Variants in VWA5B1 observed in about 807,000 individuals in gnomAD.
VWA5B1 encodes the protein von Willebrand factor A domain-containing protein 5B1.
Under a neutral mutation model 118.2 loss-of-function variants are expected in VWA5B1, and 115 were observed. That is an observed-to-expected ratio of 0.97 (90% CI 0.84 to 1.14). The LOEUF is 1.14. Among genes scored for constraint, VWA5B1 ranks in the 50% most tolerant of loss-of-function variants. The pLI is 0.00. For missense variants in VWA5B1, 1,596 were observed against 1,603.8 expected, an observed-to-expected ratio of 1.00 and a Z score of 0.08; for synonymous variants, 682 against 658.4, an observed-to-expected ratio of 1.04 and a Z score of -0.55.
Position 20,323,388 on chromosome 1 carries a change from C to A in VWA5B1, c.999C>A (p.Asp333Glu). Residue 333 changes from aspartate (D) to glutamate (E), a missense_variant, in exon 8 of 22, where the codon GAC becomes GAA. Asp to Glu is a conservative substitution (Grantham distance 45). Transcript: ENST00000289815. ...TCATTCGAAAACGCCTCCACAAAGA[C>A]ATTCCCCACCACTCCGTCATCATGC... is the stretch of plus-strand genomic sequence containing the variant. ...TEIIRKRLHK[D>E]IPHHSVIMLN... 6.6e-7 allele frequency: 1 copy of A among 1,514,424 alleles called. No homozygotes were observed. Among genetic ancestry groups the A allele is most frequent in the Non-Finnish European group, 8.8e-7 (1 of 1,131,076 alleles). The allele number at this position is 1,514,424 out of a possible 1,614,324, so 93.8% of individuals were successfully genotyped here.
rs746822356 is a variant in VWA5B1, at chr1:20,327,947, G to A, written c.1201G>A (p.Gly401Arg). The A allele has an allele frequency of 6.4e-7, 1 of 1,551,580 alleles. No individual in the cohort carries two copies. The highest frequency in any genetic ancestry group is 1.2e-5 in the South Asian group (1 of 84,048). The change falls in exon 9 of 22, where the codon GGG becomes AGG. Residue 401 changes from glycine to arginine, a missense_variant. Gly to Arg is a moderately radical substitution (Grantham distance 125). Coordinates refer to ENST00000289815, the MANE Select transcript of VWA5B1 (RefSeq NM_001039500.3). ...GCCAGCCTGCCTCTTCAATATCATT[G>A]GGTTTGGATCCACATTTAAGAGCCT... Reference protein sequence around the residue: ...LMPACLFNIIGFGSTFKSLFP... With the variant: ...LMPACLFNIIRFGSTFKSLFP...
chr1:20,318,528 C>A, intron 5 of VWA5B1, 62 bp from the exon 6 acceptor site: 2 of 1,544,820 alleles, frequency 1.3e-6, no homozygotes, highest in Non-Finnish European at 8.7e-7. Context: ...TGTGCCCCAG[C>A]GAACTCCTCT....
chr1:20,342,734 T>A, intron 15 of VWA5B1, 125 bp downstream of exon 15: 1 of 1,236,376 alleles, frequency 8.1e-7, no homozygotes, highest in Non-Finnish European at 1.1e-6. Context: ...CTGCTGCGGC[T>A]CACCCCTCTC....
At chr1:20,301,585 T>C (rs1291477401) in intron 1 of VWA5B1, among the ~76,000 whole-genome samples, 1 of 152,156 alleles carries the variant, frequency 6.6e-6, no homozygotes, top group Admixed American at 6.5e-5. Flanking sequence ...CCCACTGCAA[T>C]GGAGTAGCTC....
chr1:20,310,494 G>C, intron 1 of VWA5B1, 82 bp from the exon 2 acceptor site: 4 of 1,310,410 alleles, frequency 3.1e-6, no homozygotes, highest in Non-Finnish European at 4.0e-6. Context: ...CTGATTGCTT[G>C]AGGGTGTCTG....
rs1456435640 is a variant in VWA5B1 at position 20,291,572 on chromosome 1, T to G, written c.-27+484T>G. Among the ~76,000 whole-genome samples the G allele has an allele frequency of 3.3e-5, 5 of 152,070 alleles. No homozygotes were observed. The South Asian group carries it at 6.2e-4, about 19-fold the overall frequency. On this transcript the variant is annotated intron_variant, in intron 1 of 21. Coordinates refer to ENST00000289815, the MANE Select transcript of VWA5B1 (RefSeq NM_001039500.3). Reference sequence around the variant, plus strand: ...CTCTCAACCTTCCGTCCCTGCCACCTGTTTCCACCACTTCCTGGTCAGTCC... The same window carrying G: ...CTCTCAACCTTCCGTCCCTGCCACCGGTTTCCACCACTTCCTGGTCAGTCC...
intron 11 of VWA5B1, among the ~76,000 whole-genome samples, 177 bp downstream of exon 11, chr1:20,331,160 G>A (rs2089542676): frequency 6.6e-6 from 1 of 152,202 alleles, no homozygotes; most frequent in South Asian, 2.1e-4. Flanking sequence ...GGCAACTCTT[G>A]AAGCAATGCC....
At position 20,358,349 on chromosome 1, in the gene VWA5B1, C is replaced by G. The variant is rs1570255756; in HGVS notation, c.*4086C>G. On this transcript the variant is annotated 3_prime_UTR_variant, in exon 22 of 22. Coordinates refer to ENST00000289815, the MANE Select transcript of VWA5B1 (RefSeq NM_001039500.3). ...CAAAAAAGGTTTCTGGAAGTTTCCT[C>G]TAGATCCTGACTTGCCCTCTGTTAA... is the stretch of plus-strand genomic sequence containing the variant. 6.6e-6 allele frequency among the ~76,000 whole-genome samples: 1 copy of G among 152,234 alleles called. No homozygotes were observed. Among genetic ancestry groups the G allele is most frequent in the East Asian group, 1.9e-4 (1 of 5,194 alleles).
At position 20,353,930 on chromosome 1, in the gene VWA5B1, C is replaced by G; in HGVS notation, c.3315C>G (p.Ser1105=). 1 of 1,550,234 alleles carries G rather than the reference C, an allele frequency of 6.5e-7. No individual in the cohort carries two copies. The highest frequency in any genetic ancestry group is 1.2e-5 in the South Asian group (1 of 83,840). The change falls in exon 22 of 22, where the codon TCC becomes TCG. Residue 1105 remains serine, a synonymous_variant. Coordinates refer to ENST00000289815, the MANE Select transcript of VWA5B1 (RefSeq NM_001039500.3). ...KTPSPQLCTS[S]PPRHPSCDSF... is the part of the protein sequence containing the mutation. ...CGAGTCCCCAGCTGTGCACCAGCTC[C>G]CCGCCTAGGCACCCGTCCTGTGACA...
At chr1:20,307,665 G>A (rs907287230) in intron 1 of VWA5B1, among the ~76,000 whole-genome samples, 1 of 151,904 alleles carries the variant, frequency 6.6e-6, no homozygotes. Flanking sequence ...ATGTGGGCTG[G>A]GTCTCATCTT....
At chr1:20,331,394 C>G (rs1883165) in intron 11 of VWA5B1, among the ~76,000 whole-genome samples, 2 of 152,096 alleles carry the variant, frequency 1.3e-5, no homozygotes, top group Non-Finnish European at 2.9e-5. Context: ...ACATTTGACA[C>G]GAATAATCTA....
chr1:20,328,575 A>C (rs548931500), intron 9 of VWA5B1, among the ~76,000 whole-genome samples: 2 of 152,312 alleles, frequency 1.3e-5, no homozygotes, highest in South Asian at 4.2e-4. Context: ...AAGGACAAGC[A>C]AATGGGACAC....
At chr1:20,323,564 CG>C in intron 8 of VWA5B1, 32 bp downstream of exon 8, 1 of 1,357,422 alleles carries the variant, frequency 7.4e-7, no homozygotes. Context: ...CCCGAGGACC[CG>C]GGGCTCCAGG....
At position 20,317,603 on chromosome 1, in the gene VWA5B1, A is replaced by C. The variant is rs770049608; in HGVS notation, c.637A>C (p.Thr213Pro). Reference sequence around the variant, plus strand: ...GTTGTGCCTGGCGACTCTCCTGAACACCGAAGTGTCCAACCCCATGGAGTA... The same window carrying C: ...GTTGTGCCTGGCGACTCTCCTGAACCCCGAAGTGTCCAACCCCATGGAGTA... ...NKLCLATLLN[T>P]EVSNPMEYEF... The change falls in exon 5 of 22, where the codon ACC (threonine) becomes CCC (proline). Residue 213 changes from threonine (T) to proline (P), a missense_variant. By Grantham distance (38) the Thr-to-Pro change is conservative. Coordinates refer to ENST00000289815, the MANE Select transcript of VWA5B1 (RefSeq NM_001039500.3). 2.3e-4 allele frequency: 356 copies of C among 1,551,642 alleles called. No individual in the cohort carries two copies. The highest frequency in any genetic ancestry group is 3.0e-4 in the Non-Finnish European group (343 of 1,147,020).
intron 7 of VWA5B1, among the ~76,000 whole-genome samples, chr1:20,321,977 T>C (rs1330715452): frequency 6.6e-6 from 1 of 152,120 alleles, no homozygotes; most frequent in Non-Finnish European, 1.5e-5. Flanking sequence ...CTCTGGCTGC[T>C]CTCTGCAGAA....
rs537267689 is a variant in VWA5B1 at position 20,343,371 on chromosome 1, G to A, written c.2604G>A (p.Glu868=). The A allele has an allele frequency of 6.9e-5, 106 of 1,535,232 alleles. No individual in the cohort carries two copies. The highest frequency in any genetic ancestry group is 5.0e-4 in the Middle Eastern group (3 of 5,966). Residue 868 remains glutamate, a synonymous_variant, in exon 16 of 22, where the codon GAG becomes GAA. Coordinates refer to ENST00000289815, the MANE Select transcript of VWA5B1 (RefSeq NM_001039500.3). The stretch of plus-strand genomic sequence containing the variant: ...TCCGCGACTTCGAGCAGCTGGCGGA[G>A]CGCGAGGGCGAGATCGAGCAGGGTG... ...AIIRDFEQLA[E]REGEIEQGSN...
chr1:20,307,419 C>T (rs1277793537), intron 1 of VWA5B1, among the ~76,000 whole-genome samples: 4 of 152,226 alleles, frequency 2.6e-5, no homozygotes, highest in African/African-American at 7.2e-5. Context: ...CACGCACACC[C>T]ATTTACCTGT....
At chr1:20,345,893 C>T (rs2089997521) in intron 17 of VWA5B1, among the ~76,000 whole-genome samples, 1 of 152,212 alleles carries the variant, frequency 6.6e-6, no homozygotes, top group Non-Finnish European at 1.5e-5. Context: ...AAATTCTAAA[C>T]TATAGAAAGA....
rs1449425807 is a variant in VWA5B1, at chr1:20,312,754, C to A, written c.140-82C>A. 5 of 1,430,688 alleles carry A rather than the reference C, an allele frequency of 3.5e-6. No homozygotes were observed. The African/African-American group carries it at 5.7e-5, about 16-fold the overall frequency. The allele number at this position is 1,430,688 out of a possible 1,614,324, so 88.6% of individuals were successfully genotyped here. A position where few individuals can be genotyped will look rare whatever the true frequency, so the allele number is the denominator to read the frequency against. ...CAGTGGGCACCACCCAACAGGCAGA[C>A]CAAGGGTTCAGGTTCCTTCCAGGCA... On this transcript the variant is annotated intron_variant, in intron 2 of 21. Transcript: ENST00000289815.
Sources: gnomAD v4.1 joint callset for allele counts (sites outside exome capture counted in the v4.1 genomes callset) on GRCh38, gnomAD v4.1.1 for gene constraint, MANE v1.5 for transcripts, NCBI Gene and HGNC (gene_info 2026-07-23, HGNC 2026-07-21) for gene names.